RYR1: variants seen among roughly 807,000 people sequenced by gnomAD.
RYR1 encodes ryanodine receptor 1.
RYR1 carries 342 observed loss-of-function variants against 583.5 expected under a neutral mutation model. The observed-to-expected ratio is 0.59, with a 90% CI of 0.54 to 0.64. RYR1 has a LOEUF of 0.64. RYR1 is among the 30% of genes least tolerant of loss of function. The pLI, the probability that RYR1 is intolerant of heterozygous loss-of-function variation, is 0.00. For missense variants in RYR1, 6,032 were observed against 6,917.2 expected (o/e 0.87, Z 4.54); for synonymous variants, 2,791 against 2,822.5 (o/e 0.99, Z 0.35).
intron 96 of RYR1, among the ~76,000 whole-genome samples, chr19:38,574,259 GAA>G (rs1181191265): frequency 5.1e-5 from 2 of 38,952 alleles, no homozygotes; most frequent in Admixed American, 3.2e-4. Context: ...GACTCCATCT[GAA>G]AAAAAAAAAA....
intron 96 of RYR1, among the ~76,000 whole-genome samples, chr19:38,574,512 G>A (rs1265808810): frequency 6.6e-6 from 1 of 151,888 alleles, no homozygotes; most frequent in East Asian, 1.9e-4. Context: ...CATGCCTGTA[G>A]TCTTAGCTGT....
intron 87 of RYR1, among the ~76,000 whole-genome samples, chr19:38,545,848 G>C (rs1025356766): frequency 6.6e-6 from 1 of 152,276 alleles, no homozygotes; most frequent in South Asian, 2.1e-4. Context: ...AGCCAAAAGT[G>C]ATCACATGTT....
chr19:38,491,311 T>A (rs534092487), intron 37 of RYR1, among the ~76,000 whole-genome samples: 1 of 151,972 alleles, frequency 6.6e-6, no homozygotes, highest in Non-Finnish European at 1.5e-5. Flanking sequence ...AGTTGGAATA[T>A]TTTTGACAAT....
At chr19:38,487,664 C>T (rs946942871) in intron 34 of RYR1, among the ~76,000 whole-genome samples, 2 of 150,632 alleles carry the variant, frequency 1.3e-5, no homozygotes, top group African/African-American at 2.4e-5. Context: ...GACAGGGTCT[C>T]GCTCTGTCAC....
intron 27 of RYR1, among the ~76,000 whole-genome samples, chr19:38,471,933 A>G (rs1402839732): frequency 3.3e-5 from 5 of 151,622 alleles, no homozygotes; most frequent in African/African-American, 1.2e-4. Context: ...TTCTGAGAAC[A>G]AAGAATCTTG....
At chr19:38,528,790 A>C in intron 75 of RYR1, 95 bp downstream of exon 75, 1 of 1,446,086 alleles carries the variant, frequency 6.9e-7, no homozygotes, top group Non-Finnish European at 9.7e-7. Context: ...GGCCCTCCAC[A>C]TCAAGGGGTA....
At chr19:38,541,959 C>T (rs1404659369) in intron 84 of RYR1, among the ~76,000 whole-genome samples, 1 of 151,414 alleles carries the variant, frequency 6.6e-6, no homozygotes, top group Non-Finnish European at 1.5e-5. Context: ...GTTCCAGCTA[C>T]CTGGGAGGCT....
intron 94 of RYR1, 40 bp from the exon 95 acceptor site, chr19:38,571,979 A>G (rs763333238): frequency 1.9e-6 from 3 of 1,613,304 alleles, no homozygotes; most frequent in African/African-American, 1.3e-5. Context: ...TGGGCTCTGC[A>G]TGTGGCAGAC....
At position 38,502,890 on chromosome 19, in the gene RYR1, C is replaced by T. The variant is rs2145619973; in HGVS notation, c.7846C>T (p.Pro2616Ser). The T allele has an allele frequency of 1.2e-6, 2 of 1,611,210 alleles. No homozygotes were observed. The highest frequency in any genetic ancestry group is 1.7e-6 in the Non-Finnish European group (2 of 1,179,988). ...TGCATTGTCCCGCAGGTACATCCGC[C>T]CGTCGATGCTGCAGCACCTGTTGCG... ...CLMSLCRYIRPSMLQHLLRRL... is the reference protein window; with the variant it reads ...CLMSLCRYIRSSMLQHLLRRL... Residue 2616 changes from proline (P) to serine (S), a missense_variant, in exon 49 of 106, where the codon CCG becomes TCG. By Grantham distance (74) the Pro-to-Ser change is moderately conservative. Transcript: ENST00000359596.
chr19:38,457,663 G>A, intron 17 of RYR1, 33 bp downstream of exon 17: 1 of 1,609,640 alleles, frequency 6.2e-7, no homozygotes, highest in Non-Finnish European at 8.5e-7. Context: ...CCAGAACTCA[G>A]AACCTCTCAA....
intron 96 of RYR1, among the ~76,000 whole-genome samples, chr19:38,574,847 G>A (rs1317397746): frequency 6.6e-6 from 1 of 151,906 alleles, no homozygotes; most frequent in Non-Finnish European, 1.5e-5. Flanking sequence ...AGACCATCCT[G>A]GCTAACATGG....
In RYR1 at chr19:38,523,228, C is replaced by A. The variant is rs376830015; in HGVS notation, c.10359C>A (p.Arg3453=). ...GCTTCCCCCACCAGAACTTCAAGCGCGAGGAGCAGAACTTTGTGGTCCAGA... is the reference window on the plus strand; with the variant it reads ...GCTTCCCCCACCAGAACTTCAAGCGAGAGGAGCAGAACTTTGTGGTCCAGA... The part of the protein sequence containing the change: ...IYWSKSHNFK[R]EEQNFVVQNE... The change falls in exon 69 of 106, where the codon CGC becomes CGA. Residue 3453 remains arginine, a synonymous_variant. Transcript: ENST00000359596. 1 of 1,614,208 alleles carries A rather than the reference C, an allele frequency of 6.2e-7. No individual in the cohort carries two copies. The highest frequency in any genetic ancestry group is 1.1e-5 in the South Asian group (1 of 91,090).
intron 65 of RYR1, 56 bp from the exon 66 acceptor site, chr19:38,517,303 C>CA: frequency 6.4e-7 from 1 of 1,566,206 alleles, no homozygotes; most frequent in Non-Finnish European, 8.7e-7. Flanking sequence ...GAGGCCAGGG[C>CA]ACTGAGGTCT....
intron 27 of RYR1, among the ~76,000 whole-genome samples, chr19:38,469,881 A>G (rs1968326986): frequency 2.0e-5 from 3 of 151,890 alleles, no homozygotes; most frequent in African/African-American, 7.2e-5. Flanking sequence ...AGCCTTGGCA[A>G]CATAGGGAGA....
rs769992246 is a variant in RYR1 at position 38,523,043 on chromosome 19, G to A, written c.10275G>A (p.Thr3425=). 10 of 1,603,546 alleles carry A rather than the reference G, an allele frequency of 6.2e-6. No homozygotes were observed. The highest frequency in any genetic ancestry group is 3.3e-5 in the South Asian group (3 of 90,082). ...YVDNNRAQWL[T]EPNPSAEELF... ...CTGACCCCAGGGCGCAGTGGCTGACGGAGCCGAATCCCAGCGCGGAGGAGC... is the reference window on the plus strand; with the variant it reads ...CTGACCCCAGGGCGCAGTGGCTGACAGAGCCGAATCCCAGCGCGGAGGAGC... Residue 3425 remains threonine (T), a synonymous_variant, in exon 68 of 106, where the codon ACG becomes ACA. Coordinates refer to ENST00000359596, the MANE Select transcript of RYR1 (RefSeq NM_000540.3).
At position 38,502,569 on chromosome 19, in the gene RYR1, G is replaced by A. The variant is rs1970177678; in HGVS notation, c.7677G>A (p.Leu2559=). The change falls in exon 48 of 106, where the codon CTG becomes CTA. Residue 2559 remains leucine (L), a synonymous_variant. Transcript: ENST00000359596. ...ALNRYLCLAV[L]PLITKCAPLF... ...ACCGCTACCTGTGCCTGGCCGTGCT[G>A]CCGCTCATCACCAAGTGTGCGCCGC... The A allele has an allele frequency of 6.2e-7, 1 of 1,612,082 alleles. No homozygotes were observed. The highest frequency in any genetic ancestry group is 8.5e-7 in the Non-Finnish European group (1 of 1,179,894).
At chr19:38,445,602 T>C (rs1972903155) in intron 7 of RYR1, among the ~76,000 whole-genome samples, 1 of 152,064 alleles carries the variant, frequency 6.6e-6, no homozygotes, top group Non-Finnish European at 1.5e-5. Context: ...AAAGCTCAGA[T>C]CGTTCCTACG....
intron 38 of RYR1, 44 bp from the exon 39 acceptor site, chr19:38,494,308 C>G: frequency 2.5e-6 from 4 of 1,610,256 alleles, no homozygotes; most frequent in Non-Finnish European, 3.4e-6. Flanking sequence ...ATGTGCCGAC[C>G]TGCCCTGCAT....
Position 38,543,266 on chromosome 19 carries a change from T to C in RYR1, c.11690-81T>C. On this transcript the variant is annotated intron_variant, in intron 84 of 105. Coordinates refer to ENST00000359596, the MANE Select transcript of RYR1 (RefSeq NM_000540.3). The surrounding 1 kb of genome is among the most constrained non-coding windows in gnomAD (Gnocchi z 4.4). ...CAATAGGAACTCAACACATGAGTAT[T>C]GCATAAATGAATAAATGACCCACTG... 8.4e-7 allele frequency: 1 copy of C among 1,184,048 alleles called. No homozygotes were observed. The highest frequency in any genetic ancestry group is 1.2e-5 in the South Asian group (1 of 81,964). The allele number at this position is 1,184,048 out of a possible 1,614,324, so 73.3% of individuals were successfully genotyped here. A position where few individuals can be genotyped will look rare whatever the true frequency, so the allele number is the denominator to read the frequency against.
Sources: gnomAD v4.1 joint callset for allele counts (sites outside exome capture counted in the v4.1 genomes callset) on GRCh38, gnomAD v4.1.1 for gene constraint, Gnocchi (gnomAD v3.1) non-coding constraint, MANE v1.5 for transcripts, NCBI Gene and HGNC (gene_info 2026-07-23, HGNC 2026-07-21) for gene names.